Variants in DLEC1 observed in about 807,000 individuals in gnomAD.
The protein encoded by DLEC1 is DLEC1 cilia and flagella associated protein, also known as deleted in lung and esophageal cancer protein 1.
In DLEC1, 146 loss-of-function variants were observed where a neutral mutation model predicts 198.1. That is an observed-to-expected ratio of 0.74 (90% confidence interval 0.64 to 0.85). The LOEUF (loss-of-function observed/expected upper bound fraction) is 0.85, where lower values mean the gene tolerates loss of function less well. Among genes scored for constraint, DLEC1 ranks in the 40% least tolerant of loss-of-function variants. The pLI, the probability that DLEC1 is intolerant of heterozygous loss-of-function variation, is 0.00. For missense variants in DLEC1, 2,233 were observed against 2,220.0 expected (o/e 1.01, Z -0.12); for synonymous variants, 897 against 866.8 (o/e 1.03, Z -0.61).
chr3:38,118,005 A>C lies in DLEC1; in HGVS notation c.4685A>C (p.Gln1562Pro). Residue 1562 changes from glutamine (Q) to proline (P), a missense_variant, in exon 33 of 37, where the codon CAA becomes CCA. By Grantham distance (76) the Gln-to-Pro change is moderately conservative (BLOSUM62 -1). Transcript: ENST00000308059. ...TASADKQLVL[Q>P]AQENMLVNVS... ...TCAGCGGACAAGCAGCTGGTGCTCC[A>C]AGCACAGGAGAACATGCTGGTCAGT... 6.2e-7 allele frequency: 1 copy of C among 1,607,360 alleles called. No homozygotes were observed. Among genetic ancestry groups the C allele is most frequent in the Non-Finnish European group, 8.5e-7 (1 of 1,176,844 alleles).
chr3:38,052,788 C>T (rs1163740072), intron 2 of DLEC1, among the ~76,000 whole-genome samples: 1 of 152,126 alleles, frequency 6.6e-6, no homozygotes, highest in African/African-American at 2.4e-5. Flanking sequence ...CCGCCTCCTC[C>T]TCCCCCTCTC....
At chr3:38,049,868 G>T (rs940421421) in intron 2 of DLEC1, among the ~76,000 whole-genome samples, 39 of 152,184 alleles carry the variant, frequency 2.6e-4, no homozygotes, top group African/African-American at 8.9e-4. Flanking sequence ...ACTTGGCATT[G>T]CTGTTACCGC....
intron 12 of DLEC1, among the ~76,000 whole-genome samples, chr3:38,094,348 G>A (rs920015009): frequency 4.6e-5 from 7 of 152,122 alleles, no homozygotes; most frequent in South Asian, 2.1e-4. Flanking sequence ...TCTCTCCCCC[G>A]GGATAGCTGC....
chr3:38,053,477 C>A (rs1701241752), intron 2 of DLEC1, among the ~76,000 whole-genome samples: 1 of 142,304 alleles, frequency 7.0e-6, no homozygotes, highest in African/African-American at 2.6e-5. Flanking sequence ...CTCTGCCCAG[C>A]CGCCCTGTCT....
At chr3:38,086,532 G>A (rs1698466954) in intron 9 of DLEC1, among the ~76,000 whole-genome samples, 155 bp downstream of exon 9, 1 of 152,190 alleles carries the variant, frequency 6.6e-6, no homozygotes, top group African/African-American at 2.4e-5. Context: ...GAATGAGAAT[G>A]GATGTATAAG....
chr3:38,039,276 C>T lies in DLEC1; in HGVS notation c.51C>T (p.Asn17=). Residue 17 remains asparagine, a synonymous_variant, in exon 1 of 37, where the codon AAC becomes AAT. Coordinates refer to ENST00000308059, the MANE Select transcript of DLEC1 (RefSeq NM_007335.4). ...KTRRSLASRT[N]ECQGTMWAPT... ...GGAGGTCTTTAGCGTCCCGGACCAA[C>T]GAGTGCCAGGGGACAATGTGGGCGC... is the stretch of plus-strand genomic sequence containing the variant. 2 of 1,613,884 alleles carry T rather than the reference C, an allele frequency of 1.2e-6. No homozygotes were observed. Among genetic ancestry groups the T allele is most frequent in the Non-Finnish European group, 8.5e-7 (1 of 1,179,854 alleles).
chr3:38,098,817 G>T (rs902193340), intron 18 of DLEC1, among the ~76,000 whole-genome samples: 1 of 152,098 alleles, frequency 6.6e-6, no homozygotes, highest in African/African-American at 2.4e-5. Context: ...TTACCTGATG[G>T]CCTATAGCTG....
At chr3:38,058,105 T>C (rs911097289) in intron 2 of DLEC1, among the ~76,000 whole-genome samples, 3 of 152,198 alleles carry the variant, frequency 2.0e-5, no homozygotes, top group African/African-American at 7.2e-5. Flanking sequence ...CCCGGCCCAC[T>C]GTATTATTCT....
Position 38,122,076 on chromosome 3 carries a change from C to A in DLEC1, c.5026C>A (p.Gln1676Lys), listed in dbSNP as rs974131692. 31 of 1,613,942 alleles carry A rather than the reference C, an allele frequency of 1.9e-5. No homozygotes were observed. The highest frequency in any genetic ancestry group is 2.6e-5 in the Non-Finnish European group (31 of 1,179,888). Reference sequence around the variant, plus strand: ...TTCCCTTCCCTTTGGTGCAGGCCAGCAGGAGCCAGCCAAGGCCGCTGTGGC... The same window carrying A: ...TTCCCTTCCCTTTGGTGCAGGCCAGAAGGAGCCAGCCAAGGCCGCTGTGGC... ...RSYWTMLMGQQEPAKAAVAFR... is the reference protein window; with the variant it reads ...RSYWTMLMGQKEPAKAAVAFR... The change falls in exon 36 of 37, where the codon CAG becomes AAG. Residue 1676 changes from glutamine (Q) to lysine (K), a missense_variant. Coordinates refer to ENST00000308059, the MANE Select transcript of DLEC1 (RefSeq NM_007335.4).
chr3:38,097,067 G>T, intron 15 of DLEC1, 115 bp from the exon 16 acceptor site: 1 of 1,052,938 alleles, frequency 9.5e-7, no homozygotes, highest in Non-Finnish European at 1.4e-6. Context: ...CCAGGAATTA[G>T]CCGGGAAGTG....
At chr3:38,097,986 T>C (rs914120669) in intron 18 of DLEC1, 84 bp downstream of exon 18, 1 of 1,552,934 alleles carries the variant, frequency 6.4e-7, no homozygotes, top group East Asian at 2.3e-5. Context: ...CTGGTGTGTT[T>C]AGATCAGAGC....
chr3:38,108,643 G>A lies in DLEC1; in HGVS notation c.3129+128G>A, dbSNP rs1005972801. The A allele has an allele frequency of 6.7e-6, 5 of 749,138 alleles. No homozygotes were observed. In the African/African-American group the frequency reaches 6.9e-5, roughly 10 times the overall value. The allele number at this position is 749,138 out of a possible 1,614,324, so 46.4% of individuals were successfully genotyped here. A position where few individuals can be genotyped will look rare whatever the true frequency, so the allele number is the denominator to read the frequency against. ...CTTGTGGGTGGGGAAGAGATTTCTT[G>A]CATTTGGGTCTGGGGTCCCCATTCC... On this transcript the variant is annotated intron_variant, in intron 21 of 36. Transcript: ENST00000308059.
chr3:38,102,809 C>T (rs1699373486), intron 19 of DLEC1, among the ~76,000 whole-genome samples: 1 of 152,166 alleles, frequency 6.6e-6, no homozygotes, highest in Non-Finnish European at 1.5e-5. Context: ...CAATTCGTGC[C>T]TTCATTCATA....
Position 38,053,440 on chromosome 3 carries a change from C to T in DLEC1, c.563-6302C>T, listed in dbSNP as rs570678367. 5.1e-3 allele frequency among the ~76,000 whole-genome samples: 763 copies of T among 150,868 alleles called. 6 individuals are homozygous for T. The highest frequency in any genetic ancestry group is 0.016 in the African/African-American group (668 of 41,020). ...TGTGAGGAGCGCCTCTGCCCGGCCGCGACCCCGTCTGGGAGGTGAGGAGCA... is the reference window on the plus strand; with the variant it reads ...TGTGAGGAGCGCCTCTGCCCGGCCGTGACCCCGTCTGGGAGGTGAGGAGCA... On this transcript the variant is annotated intron_variant, in intron 2 of 36. Coordinates refer to ENST00000308059, the MANE Select transcript of DLEC1 (RefSeq NM_007335.4).
intron 34 of DLEC1, 113 bp downstream of exon 34, chr3:38,120,722 G>A: frequency 1.4e-6 from 2 of 1,427,684 alleles, no homozygotes; most frequent in Non-Finnish European, 1.9e-6. Context: ...AGGAGCCCCT[G>A]CCCCTGTCCT....
Position 38,122,457 on chromosome 3 carries a change from A to G in DLEC1, c.*45A>G, listed in dbSNP as rs1163563879. 6.2e-7 allele frequency: 1 copy of G among 1,613,912 alleles called. No individual in the cohort carries two copies. Among genetic ancestry groups the G allele is most frequent in the Non-Finnish European group, 8.5e-7 (1 of 1,179,988 alleles). ...GCCCCAGGCCCCAGCTGGAGAAAAA[A>G]CATTGCCCAGGGATTAGGAGCAGCT... On this transcript the variant is annotated 3_prime_UTR_variant, in exon 37 of 37. Transcript: ENST00000308059.
Position 38,062,594 on chromosome 3 carries a change from C to A in DLEC1, c.887C>A (p.Pro296Gln), listed in dbSNP as rs748987600. ...TREPLKKASQ[P>Q]RNKNWMNHLR... ...TATGTTTCAAAGAAAGCAAGTCAAC[C>A]AAGGAATAAAAACTGGATGAACCAC... The change falls in exon 5 of 37, where the codon CCA becomes CAA. Residue 296 changes from proline (P) to glutamine (Q), a missense_variant. Transcript: ENST00000308059. 1 of 1,613,980 alleles carries A rather than the reference C, an allele frequency of 6.2e-7. No homozygotes were observed. The highest frequency in any genetic ancestry group is 1.1e-5 in the South Asian group (1 of 91,072).
intron 2 of DLEC1, chr3:38,052,287 G>A: frequency 2.2e-6 from 1 of 461,728 alleles, no homozygotes; most frequent in Admixed American, 2.2e-5. Flanking sequence ...TCAACATAGA[G>A]AGCAGGCTGG....
intron 13 of DLEC1, 96 bp downstream of exon 13, chr3:38,095,167 C>A: frequency 6.8e-7 from 1 of 1,475,600 alleles, no homozygotes; most frequent in Non-Finnish European, 9.3e-7. Context: ...CACAGCTGGG[C>A]CCACCGAGGT....
Sources: allele counts gnomAD v4.1 joint callset (sites outside exome capture counted in the v4.1 genomes callset), GRCh38; gene constraint gnomAD v4.1.1; transcripts MANE v1.5; gene names NCBI Gene and HGNC (gene_info 2026-07-23, HGNC 2026-07-21).